NDFIP2: variants seen among roughly 807,000 people sequenced by gnomAD.
NDFIP2 encodes the protein Nedd4 family interacting protein 2, also known as NEDD4 family-interacting protein 2.
NDFIP2 carries 19 observed loss-of-function variants against 36.0 expected under a neutral mutation model. The observed-to-expected ratio is 0.53, with a 90% confidence interval of 0.37 to 0.77. The LOEUF (loss-of-function observed/expected upper bound fraction) is 0.77, where lower values mean the gene tolerates loss of function less well. Among genes scored for constraint, NDFIP2 ranks in the 30% least tolerant of loss-of-function variants. The pLI is 0.00. For synonymous variants in NDFIP2, 181 were observed against 167.7 expected (o/e 1.08, Z -0.61); for missense variants, 446 against 435.8 (o/e 1.02, Z -0.21).
At chr13:79,498,930 A>G (rs1190520116) in intron 1 of NDFIP2, among the ~76,000 whole-genome samples, 1 of 151,992 alleles carries the variant, frequency 6.6e-6, no homozygotes, top group African/African-American at 2.4e-5. Context: ...CATTACCCTA[A>G]TATCAAAGCC....
intron 5 of NDFIP2, among the ~76,000 whole-genome samples, chr13:79,544,945 CCT>C (rs2137114617): frequency 6.6e-6 from 1 of 152,098 alleles, no homozygotes; most frequent in African/African-American, 2.4e-5. Context: ...AGAACTATCC[CCT>C]GACAATTTCT....
intron 1 of NDFIP2, among the ~76,000 whole-genome samples, chr13:79,499,049 A>G (rs1767891787): frequency 6.6e-6 from 1 of 152,002 alleles, no homozygotes; most frequent in Non-Finnish European, 1.5e-5. Flanking sequence ...AATTAATTAT[A>G]TGCCATGACC....
intron 1 of NDFIP2, 99 bp from the exon 2 acceptor site, chr13:79,520,711 G>T: frequency 8.8e-7 from 1 of 1,130,460 alleles, no homozygotes; most frequent in Admixed American, 3.2e-5. Flanking sequence ...TTTGTGTTTG[G>T]CCAAAAAGCG....
chr13:79,523,821 C>T (rs1230669803), intron 2 of NDFIP2, among the ~76,000 whole-genome samples: 1 of 152,188 alleles, frequency 6.6e-6, no homozygotes, highest in Non-Finnish European at 1.5e-5. Context: ...TTGTCTACTT[C>T]AGGTGATCCT....
At chr13:79,514,650 T>C (rs548417885) in intron 1 of NDFIP2, among the ~76,000 whole-genome samples, 4 of 152,230 alleles carry the variant, frequency 2.6e-5, no homozygotes, top group Non-Finnish European at 5.9e-5. Context: ...AGGAAAATAG[T>C]TGAACATATA....
intron 3 of NDFIP2, among the ~76,000 whole-genome samples, chr13:79,538,560 G>A (rs1419382850): frequency 2.6e-5 from 4 of 152,126 alleles, no homozygotes; most frequent in African/African-American, 4.8e-5. Context: ...CCGAAACCAA[G>A]CCTGACAGTC....
At chr13:79,502,861 A>T (rs1389655540) in intron 1 of NDFIP2, among the ~76,000 whole-genome samples, 1 of 151,498 alleles carries the variant, frequency 6.6e-6, no homozygotes, top group Admixed American at 6.6e-5. Flanking sequence ...AAAGCAGAAG[A>T]AAAAGTATTT....
chr13:79,487,232 TTTCAC>T (rs149393076), intron 1 of NDFIP2, among the ~76,000 whole-genome samples: 80 of 152,308 alleles, frequency 5.3e-4, no homozygotes, highest in African/African-American at 1.9e-3. Context: ...GTTCTGATTT[TTTCAC>T]TTCAAATTAC....
At chr13:79,552,141 A>G (rs1262557420) in intron 7 of NDFIP2, among the ~76,000 whole-genome samples, 3 of 151,362 alleles carry the variant, frequency 2.0e-5, no homozygotes, top group Admixed American at 6.6e-5. Flanking sequence ...TAAGTGTTCT[A>G]CTAAAGTCTC....
intron 7 of NDFIP2, among the ~76,000 whole-genome samples, chr13:79,552,143 T>C (rs116808578): frequency 2.0e-3 from 310 of 151,500 alleles, no homozygotes; most frequent in African/African-American, 7.1e-3. Flanking sequence ...AGTGTTCTAC[T>C]AAAGTCTCCC....
chr13:79,548,430 A>C (rs765252088), intron 6 of NDFIP2, 36 bp downstream of exon 6: 1 of 1,434,460 alleles, frequency 7.0e-7, no homozygotes, highest in Non-Finnish European at 9.7e-7. Context: ...TTTAACTTGG[A>C]TATTTCCAAA....
chr13:79,555,684 GTTTA>G lies in NDFIP2; in HGVS notation c.*3174_*3177del, dbSNP rs1876084996. ...AATGTTATTTTAGCATTTATTAGTT[GTTTA>G]TTATTTAATTCTTCAAATAGTCATA... is the stretch of plus-strand genomic sequence containing the variant. On this transcript the variant is annotated 3_prime_UTR_variant, in exon 8 of 8. Coordinates refer to ENST00000218652, the MANE Select transcript of NDFIP2 (RefSeq NM_019080.3). 1.3e-5 allele frequency: 2 copies of G among 151,846 alleles called. No individual in the cohort carries two copies. The highest frequency in any genetic ancestry group is 2.9e-5 in the Non-Finnish European group (2 of 67,920). 9.4% of individuals were successfully genotyped at this position (151,846 alleles called of 1,614,324 possible). A position where few individuals can be genotyped will look rare whatever the true frequency, so the allele number is the denominator to read the frequency against.
chr13:79,497,376 T>C (rs1873471905), intron 1 of NDFIP2, among the ~76,000 whole-genome samples: 1 of 151,962 alleles, frequency 6.6e-6, no homozygotes, highest in Non-Finnish European at 1.5e-5. Flanking sequence ...AGTTTTAGCA[T>C]CCTATGCCTC....
intron 2 of NDFIP2, among the ~76,000 whole-genome samples, chr13:79,530,672 A>C (rs1874979971): frequency 6.6e-6 from 1 of 152,184 alleles, no homozygotes; most frequent in Admixed American, 6.5e-5. Context: ...CTCCCATCTC[A>C]AGAAATCACT....
intron 1 of NDFIP2, among the ~76,000 whole-genome samples, chr13:79,498,418 A>T (rs1873531635): frequency 6.6e-6 from 1 of 151,966 alleles, no homozygotes; most frequent in African/African-American, 2.4e-5. Context: ...ACTTTTCAAA[A>T]CAGAAAGCAC....
At chr13:79,540,496 A>G (rs1334164216) in intron 4 of NDFIP2, among the ~76,000 whole-genome samples, 1 of 152,198 alleles carries the variant, frequency 6.6e-6, no homozygotes, top group African/African-American at 2.4e-5. Flanking sequence ...AAGTAAGTTT[A>G]TTAGTCTATG....
chr13:79,490,077 C>T (rs1237693455), intron 1 of NDFIP2, among the ~76,000 whole-genome samples: 1 of 152,064 alleles, frequency 6.6e-6, no homozygotes, highest in African/African-American at 2.4e-5. Flanking sequence ...AAGAGGCCAC[C>T]CTCTGAATGT....
intron 5 of NDFIP2, among the ~76,000 whole-genome samples, 179 bp downstream of exon 5, chr13:79,543,861 C>G (rs1374444453): frequency 2.0e-5 from 3 of 152,084 alleles, no homozygotes; most frequent in African/African-American, 7.2e-5. Context: ...ATAACTTTAT[C>G]ATATGAGAAG....
At chr13:79,523,147 A>G (rs1874651096) in intron 2 of NDFIP2, among the ~76,000 whole-genome samples, 2 of 152,164 alleles carry the variant, frequency 1.3e-5, no homozygotes, top group Admixed American at 1.3e-4. Context: ...ACACCAGTGG[A>G]TGCCTAGAGC....
Sources: gnomAD v4.1 joint callset for allele counts (sites outside exome capture counted in the v4.1 genomes callset) on GRCh38, gnomAD v4.1.1 for gene constraint, MANE v1.5 for transcripts, NCBI Gene and HGNC (gene_info 2026-07-23, HGNC 2026-07-21) for gene names.